The following EYS variants were observed in gnomAD, a reference collection of about 807,000 sequenced individuals.
The protein encoded by EYS is EGF-like photoreceptor maintenance factor, also known as protein eyes shut homolog.
A neutral mutation model predicts 282.1 loss-of-function variants in EYS; 250 were observed. The ratio of observed to expected loss-of-function variants is 0.89; its 90% CI spans 0.80 to 0.98. The LOEUF (loss-of-function observed/expected upper bound fraction) is 0.98. Among genes scored for constraint, EYS ranks in the 50% least tolerant of loss-of-function variants. The pLI, the probability that EYS is intolerant of heterozygous loss-of-function variation, is 0.00. For missense variants in EYS, 4,016 were observed against 3,709.0 expected, an observed-to-expected ratio of 1.08 and a Z score of -2.15; for synonymous variants, 1,355 against 1,282.9, an observed-to-expected ratio of 1.06 and a Z score of -1.20.
chr6:64,826,858 A>G (rs1445005514), intron 19 of EYS, among the ~76,000 whole-genome samples: 2 of 151,398 alleles, frequency 1.3e-5, no homozygotes, highest in African/African-American at 2.4e-5. Flanking sequence ...CATTTCACAT[A>G]TGAGAACCTC....
chr6:64,032,637 T>C (rs1441497401), intron 33 of EYS, among the ~76,000 whole-genome samples: 1 of 152,212 alleles, frequency 6.6e-6, no homozygotes. Flanking sequence ...TACCTATACA[T>C]TTGTCTGGCT....
At chr6:64,999,936 T>C (rs9360106) in intron 13 of EYS, among the ~76,000 whole-genome samples, 10,303 of 152,166 alleles carry the variant, frequency 0.068, 440 homozygotes, top group East Asian at 0.13. Flanking sequence ...ATTCTCCAAG[T>C]CCAGGTGTGA....
chr6:64,889,687 G>A (rs574063344), intron 18 of EYS, among the ~76,000 whole-genome samples: 122 of 152,090 alleles, frequency 8.0e-4, no homozygotes, highest in Non-Finnish European at 1.3e-3. Flanking sequence ...CACTTCCCCA[G>A]TCAATACCCT....
intron 26 of EYS, among the ~76,000 whole-genome samples, chr6:64,561,396 C>T (rs1160999736): frequency 6.6e-6 from 1 of 152,102 alleles, no homozygotes; most frequent in African/African-American, 2.4e-5. Context: ...TCTCTGTTTG[C>T]AGACAACATG....
chr6:65,106,220 T>C (rs1581914723), intron 12 of EYS, among the ~76,000 whole-genome samples: 1 of 152,022 alleles, frequency 6.6e-6, no homozygotes, highest in Non-Finnish European at 1.5e-5. Flanking sequence ...TCTAGACGTA[T>C]ACTTTTGGTT....
At chr6:64,774,766 T>C (rs1773629069) in intron 22 of EYS, among the ~76,000 whole-genome samples, 1 of 151,942 alleles carries the variant, frequency 6.6e-6, no homozygotes, top group Non-Finnish European at 1.5e-5. Context: ...TAAAATTTAC[T>C]TTTCTCAGAC....
chr6:65,689,531 A>G (rs1199331135), intron 1 of EYS, among the ~76,000 whole-genome samples: 1 of 150,226 alleles, frequency 6.7e-6, no homozygotes, highest in Non-Finnish European at 1.5e-5. Flanking sequence ...TAATAAAAAA[A>G]ATTATGTGTA....
At chr6:65,069,426 C>G (rs1773843275) in intron 12 of EYS, among the ~76,000 whole-genome samples, 1 of 151,906 alleles carries the variant, frequency 6.6e-6, no homozygotes, top group African/African-American at 2.4e-5. Context: ...ACAGAAATTG[C>G]TTTTTGCCAT....
intron 41 of EYS, among the ~76,000 whole-genome samples, chr6:63,747,797 C>T (rs991373922): frequency 9.9e-5 from 15 of 152,024 alleles, no homozygotes; most frequent in African/African-American, 3.6e-4. Context: ...TTTCCATTTG[C>T]TTGGTAAATG....
At chr6:64,478,401 G>A (rs982062905) in intron 26 of EYS, among the ~76,000 whole-genome samples, 2 of 151,242 alleles carry the variant, frequency 1.3e-5, no homozygotes, top group Non-Finnish European at 3.0e-5. Flanking sequence ...AAATAATTTA[G>A]ACAATTTTAA....
intron 31 of EYS, among the ~76,000 whole-genome samples, chr6:64,105,245 C>G (rs774898778): frequency 6.6e-6 from 1 of 152,028 alleles, no homozygotes. Flanking sequence ...TATTGAACAT[C>G]GCTACGTGCC....
intron 12 of EYS, among the ~76,000 whole-genome samples, chr6:65,145,545 C>T (rs1412856555): frequency 2.6e-5 from 4 of 151,202 alleles, no homozygotes; most frequent in South Asian, 4.2e-4. Flanking sequence ...GAAAGAAATG[C>T]CTAATTAATA....
chr6:65,252,019 AC>A (rs1767338354), intron 12 of EYS, among the ~76,000 whole-genome samples: 1 of 151,924 alleles, frequency 6.6e-6, no homozygotes, highest in African/African-American at 2.4e-5. Flanking sequence ...TCTGTTTGCT[AC>A]AGTCATTTTT....
chr6:65,466,915 T>C (rs1765021218), intron 5 of EYS, among the ~76,000 whole-genome samples: 1 of 152,202 alleles, frequency 6.6e-6, no homozygotes, highest in Non-Finnish European at 1.5e-5. Context: ...AGTAGCAGCT[T>C]AGGCTTTATC....
chr6:65,333,828 C>T (rs1369914600), intron 11 of EYS, among the ~76,000 whole-genome samples: 1 of 151,344 alleles, frequency 6.6e-6, no homozygotes, highest in East Asian at 2.0e-4. Context: ...TCTCTACTAA[C>T]TGTTTCATTT....
chr6:64,989,597 T>A (rs145020013), intron 14 of EYS, among the ~76,000 whole-genome samples: 16,356 of 140,780 alleles, frequency 0.12, 1,175 homozygotes, highest in East Asian at 0.23. Context: ...ATTATATTAT[T>A]TAATTTAAAT....
intron 28 of EYS, among the ~76,000 whole-genome samples, chr6:64,411,495 C>T (rs939159545): frequency 6.6e-6 from 1 of 151,964 alleles, no homozygotes; most frequent in Non-Finnish European, 1.5e-5. Context: ...AAATTCAAAA[C>T]AGAAAATAAG....
At chr6:65,438,620 T>A (rs1474645321) in intron 5 of EYS, among the ~76,000 whole-genome samples, 1 of 151,874 alleles carries the variant, frequency 6.6e-6, no homozygotes, top group Non-Finnish European at 1.5e-5. Context: ...ATGATGAGCA[T>A]TTTTTTCATG....
intron 13 of EYS, among the ~76,000 whole-genome samples, chr6:65,045,319 C>A (rs1162716166): frequency 6.6e-6 from 1 of 151,878 alleles, no homozygotes; most frequent in Non-Finnish European, 1.5e-5. Flanking sequence ...TCACTTGAAT[C>A]AACCTCCCAC....
Sources: allele counts gnomAD v4.1 joint callset (sites outside exome capture counted in the v4.1 genomes callset), GRCh38; gene constraint gnomAD v4.1.1; transcripts MANE v1.5; gene names NCBI Gene and HGNC (gene_info 2026-07-23, HGNC 2026-07-21).